NRIP1: variants seen among roughly 807,000 people sequenced by gnomAD.
NRIP1 encodes nuclear receptor interacting protein 1, also known as nuclear receptor-interacting protein 1.
NRIP1 carries 28 observed loss-of-function variants against 75.0 expected under a neutral mutation model. The observed-to-expected ratio is 0.37, with a 90% confidence interval of 0.28 to 0.51. NRIP1 has a LOEUF of 0.51. NRIP1 is among the 20% of genes least tolerant of loss of function. The pLI is 0.92. For synonymous variants in NRIP1, 526 were observed against 487.6 expected, an observed-to-expected ratio of 1.08 and a Z score of -1.04; for missense variants, 1,435 against 1,343.7, an observed-to-expected ratio of 1.07 and a Z score of -1.06.
At chr21:15,004,702 G>C (rs1281842343) in intron 3 of NRIP1, among the ~76,000 whole-genome samples, 12 of 152,214 alleles carry the variant, frequency 7.9e-5, no homozygotes, top group Admixed American at 5.9e-4. Context: ...TTTTAACTAA[G>C]ATTAATTTTT....
chr21:15,027,074 C>T (rs1445888208), intron 2 of NRIP1, among the ~76,000 whole-genome samples: 2 of 152,136 alleles, frequency 1.3e-5, no homozygotes, highest in Non-Finnish European at 2.9e-5. Context: ...CCGAAGACTT[C>T]ATACAGAATG....
chr21:15,045,946 T>G (rs138318078), intron 1 of NRIP1, among the ~76,000 whole-genome samples: 1 of 152,228 alleles, frequency 6.6e-6, no homozygotes, highest in African/African-American at 2.4e-5. Context: ...AGTCACATCT[T>G]CAGGCTCCAC....
At chr21:15,047,446 G>A (rs1174187913) in intron 1 of NRIP1, among the ~76,000 whole-genome samples, 4 of 152,120 alleles carry the variant, frequency 2.6e-5, no homozygotes, top group East Asian at 1.9e-4. Flanking sequence ...AGGCTGAGGC[G>A]GGAGAATGGC....
intron 3 of NRIP1, among the ~76,000 whole-genome samples, chr21:14,996,401 T>A (rs928512599): frequency 6.6e-6 from 1 of 152,200 alleles, no homozygotes; most frequent in African/African-American, 2.4e-5. Flanking sequence ...TGAGTGGTTC[T>A]CTCTTTTGAG....
chr21:15,010,495 G>GT (rs1365075146), intron 3 of NRIP1, among the ~76,000 whole-genome samples: 3 of 151,460 alleles, frequency 2.0e-5, no homozygotes, highest in Non-Finnish European at 4.4e-5. Flanking sequence ...CCCAAACAAC[G>GT]TAAGTTATAT....
chr21:14,968,282 G>A lies in NRIP1; in HGVS notation c.-90C>T, dbSNP rs2146944680. ...AGTGCGATGTAACTTTAATAAAGGAGTATCAGTTTATCACCTTCCATCGCA... is the reference window on the plus strand; with the variant it reads ...AGTGCGATGTAACTTTAATAAAGGAATATCAGTTTATCACCTTCCATCGCA... On this transcript the variant is annotated 5_prime_UTR_variant, in exon 4 of 4. Transcript: ENST00000318948. 1.2e-6 allele frequency: 1 copy of A among 834,214 alleles called. No homozygotes were observed. Among genetic ancestry groups the A allele is most frequent in the South Asian group, 1.8e-5 (1 of 56,466 alleles). The allele number at this position is 834,214 out of a possible 1,614,324, so 51.7% of individuals were successfully genotyped here. A position where few individuals can be genotyped will look rare whatever the true frequency, so the allele number is the denominator to read the frequency against.
At chr21:15,063,619 C>G (rs1247418322) in intron 1 of NRIP1, among the ~76,000 whole-genome samples, 1 of 152,188 alleles carries the variant, frequency 6.6e-6, no homozygotes, top group African/African-American at 2.4e-5. Context: ...ACTATGGACA[C>G]CTACAGATGG....
chr21:15,065,410 C>T (rs1369674225), upstream of NRIP1, among the ~76,000 whole-genome samples: 5 of 152,062 alleles, frequency 3.3e-5, no homozygotes, highest in East Asian at 9.7e-4. Context: ...TCCTGGGGAC[C>T]GGGGAAAGCG....
chr21:14,978,087 A>C (rs1462158797), intron 3 of NRIP1, among the ~76,000 whole-genome samples: 1 of 152,162 alleles, frequency 6.6e-6, no homozygotes, highest in African/African-American at 2.4e-5. Flanking sequence ...ATTGGCTTTA[A>C]CTTGCTCGTC....
rs2086598999 is a variant in NRIP1, at chr21:14,961,921, T to C, written c.*2795A>G. 1 of 151,452 alleles carries C rather than the reference T, an allele frequency of 6.6e-6. No homozygotes were observed. The highest frequency in any genetic ancestry group is 1.5e-5 in the Non-Finnish European group (1 of 67,618). The allele number at this position is 151,452 out of a possible 1,614,324, so 9.4% of individuals were successfully genotyped here. On this transcript the variant is annotated 3_prime_UTR_variant, in exon 4 of 4. Coordinates refer to ENST00000318948, the MANE Select transcript of NRIP1 (RefSeq NM_003489.4). ...TGTTGCATTAGAACAATACAAAATA[T>C]GTATTTTTCATTAAGGAAATCACTA...
In NRIP1 at chr21:14,964,172, CCT is replaced by C. The variant is rs1491173550; in HGVS notation, c.*542_*543del. 1.5e-5 allele frequency: 1 copy of C among 68,266 alleles called. No homozygotes were observed. The highest frequency in any genetic ancestry group is 2.5e-5 in the Non-Finnish European group (1 of 40,524). 4.2% of individuals were successfully genotyped at this position (68,266 alleles called of 1,614,324 possible). ...CTCTTCCAAGAGTTAAAAATAAACACCTTTTTTTTTTCTTTTTAGCAAAAGTG... is the reference window on the plus strand; with the variant it reads ...CTCTTCCAAGAGTTAAAAATAAACACTTTTTTTTTCTTTTTAGCAAAAGTG... On this transcript the variant is annotated 3_prime_UTR_variant, in exon 4 of 4. Transcript: ENST00000318948.
rs79280093 is a variant in NRIP1 at position 15,060,449 on chromosome 21, TG to T, written c.-538+4295del. ...AGCATTATTTCTGCAGTTATTTACA[TG>T]TTTATCTTTATCAGAGATCCTATAA... On this transcript the variant is annotated intron_variant, in intron 1 of 3. Transcript: ENST00000318948. 0.012 allele frequency among the ~76,000 whole-genome samples: 1,849 copies of T among 152,290 alleles called. 206 individuals are homozygous for T. The East Asian group carries it at 0.26, about 21-fold the overall frequency.
At chr21:15,050,832 C>T (rs2089185101) in intron 1 of NRIP1, 1 of 456,016 alleles carries the variant, frequency 2.2e-6, no homozygotes. Context: ...CACAGCGATA[C>T]CTCCTCTACC....
At chr21:15,016,879 C>T (rs927676214) in intron 2 of NRIP1, among the ~76,000 whole-genome samples, 3 of 138,514 alleles carry the variant, frequency 2.2e-5, no homozygotes, top group East Asian at 2.1e-4. Context: ...AGCGAGACTC[C>T]GTCAAAGAAA....
rs922186780 is a variant in NRIP1 at position 15,016,916 on chromosome 21, AAGAG to A, written c.-457-2454_-457-2451del. Reference sequence around the variant, plus strand: ...AAAGAAGGAAAGAAGGAAGGAAAGAAAGAGAGAGAGAGAGAAAGAAAGAAAGAAA... The same window carrying A: ...AAAGAAGGAAAGAAGGAAGGAAAGAAAGAGAGAGAGAAAGAAAGAAAGAAA... On this transcript the variant is annotated intron_variant, in intron 2 of 3. Coordinates refer to ENST00000318948, the MANE Select transcript of NRIP1 (RefSeq NM_003489.4). Among the ~76,000 whole-genome samples the A allele has an allele frequency of 1.5e-4, 22 of 151,142 alleles. No homozygotes were observed. In the South Asian group the frequency reaches 1.5e-3, roughly 10 times the overall value.
At chr21:14,981,580 G>C (rs572545647) in intron 3 of NRIP1, among the ~76,000 whole-genome samples, 1 of 152,236 alleles carries the variant, frequency 6.6e-6, no homozygotes, top group South Asian at 2.1e-4. Flanking sequence ...GCGGTCTAGG[G>C]AATGTGGGTC....
chr21:14,972,533 A>G (rs2086930783), intron 3 of NRIP1, among the ~76,000 whole-genome samples: 1 of 152,188 alleles, frequency 6.6e-6, no homozygotes, highest in Non-Finnish European at 1.5e-5. Context: ...TGAAATTCCA[A>G]CATATAGTTC....
At chr21:15,021,648 TG>T (rs1417493631) in intron 2 of NRIP1, among the ~76,000 whole-genome samples, 1 of 152,170 alleles carries the variant, frequency 6.6e-6, no homozygotes, top group African/African-American at 2.4e-5. Flanking sequence ...ATGAGTCCGA[TG>T]TGCTGACAAA....
intron 1 of NRIP1, among the ~76,000 whole-genome samples, chr21:15,064,088 G>A (rs984708468): frequency 6.6e-6 from 1 of 152,238 alleles, no homozygotes; most frequent in African/African-American, 2.4e-5. Context: ...ACAGAAGAAG[G>A]GAGAAAAGGC....
Sources: gnomAD v4.1 joint callset for allele counts (sites outside exome capture counted in the v4.1 genomes callset) on GRCh38, gnomAD v4.1.1 for gene constraint, MANE v1.5 for transcripts, NCBI Gene and HGNC (gene_info 2026-07-23, HGNC 2026-07-21) for gene names.